FAT3: variants seen among roughly 807,000 people sequenced by gnomAD.
The protein encoded by FAT3 is protocadherin Fat 3.
A neutral mutation model predicts 310.2 loss-of-function variants in FAT3; 95 were observed. The ratio of observed to expected loss-of-function variants is 0.31; its 90% confidence interval spans 0.26 to 0.36. The LOEUF is 0.36. FAT3 is among the 10% of genes least tolerant of loss of function. The pLI is 1.00. For missense variants in FAT3, 5,408 were observed against 5,715.6 expected, an observed-to-expected ratio of 0.95 and a Z score of 1.74; for synonymous variants, 2,314 against 2,192.9, an observed-to-expected ratio of 1.06 and a Z score of -1.54.
chr11:92,507,560 A>G lies in FAT3; in HGVS notation c.3293-17074A>G, dbSNP rs543134485. ...ACATACATATATAGGGTGTATATATATACACACACATATCCTATATCTGTA... is the reference window on the plus strand; with the variant it reads ...ACATACATATATAGGGTGTATATATGTACACACACATATCCTATATCTGTA... On this transcript the variant is annotated intron_variant, in intron 2 of 27. Transcript: ENST00000525166. Among the ~76,000 whole-genome samples the G allele has an allele frequency of 3.3e-5, 5 of 152,020 alleles. No individual in the cohort carries two copies. In the East Asian group the frequency reaches 9.7e-4, roughly 30 times the overall value.
chr11:92,539,782 C>A (rs948484956), intron 3 of FAT3, among the ~76,000 whole-genome samples: 2 of 152,062 alleles, frequency 1.3e-5, no homozygotes, highest in Non-Finnish European at 2.9e-5. Flanking sequence ...ATAACACACA[C>A]AAAAAAGATT....
chr11:92,291,114 CACAT>C (rs1449147973), intron 1 of FAT3, among the ~76,000 whole-genome samples: 29 of 150,688 alleles, frequency 1.9e-4, no homozygotes, highest in East Asian at 1.5e-3. Context: ...CACACACACA[CACAT>C]GCACGCGCGC....
intron 3 of FAT3, among the ~76,000 whole-genome samples, chr11:92,549,728 T>C (rs1417423759): frequency 2.6e-5 from 4 of 152,180 alleles, no homozygotes; most frequent in Admixed American, 6.5e-5. Flanking sequence ...AAGAAATTAA[T>C]GTTTAGAAAT....
At chr11:92,397,366 G>A (rs940560090) in intron 2 of FAT3, among the ~76,000 whole-genome samples, 1 of 152,138 alleles carries the variant, frequency 6.6e-6, no homozygotes, top group Admixed American at 6.6e-5. Context: ...AGAATATTAA[G>A]CAATCTTCTG....
At position 92,621,952 on chromosome 11, in the gene FAT3, A is replaced by G. The variant is rs373124044; in HGVS notation, c.3608-75432A>G. Among the ~76,000 whole-genome samples, 11 of 152,256 alleles carry G rather than the reference A, an allele frequency of 7.2e-5. No individual in the cohort carries two copies. In the South Asian group the frequency reaches 2.1e-3, roughly 29 times the overall value. On this transcript the variant is annotated intron_variant, in intron 3 of 27. Coordinates refer to ENST00000525166, the MANE Select transcript of FAT3 (RefSeq NM_001367949.2). ...TCAGGAATCTACATTTTAACAACCC[A>G]CGTAATTCGAATGCATTGACATGTT...
At chr11:92,393,911 A>C (rs986113319) in intron 2 of FAT3, among the ~76,000 whole-genome samples, 1 of 152,152 alleles carries the variant, frequency 6.6e-6, no homozygotes, top group African/African-American at 2.4e-5. Context: ...GTTATGTTGT[A>C]ATATCTCAAG....
Position 92,698,300 on chromosome 11 carries a change from C to A in FAT3, c.3669+855C>A, listed in dbSNP as rs563656305. Among the ~76,000 whole-genome samples the A allele has an allele frequency of 2.0e-5, 3 of 152,294 alleles. 1 individual carries two copies. In the South Asian group the frequency reaches 6.2e-4, roughly 32 times the overall value. On this transcript the variant is annotated intron_variant, in intron 4 of 27. Coordinates refer to ENST00000525166, the MANE Select transcript of FAT3 (RefSeq NM_001367949.2). ...ACACGTGCACATGCACACAAACACA[C>A]CTTTCAAATCTGATGATAGAATCTC...
rs900753436 is a variant in FAT3, at chr11:92,341,118, G to T, written c.-17-10978G>T. ...TGTCCTGGACCTAGAATGTTAGGCT[G>T]AGGTTGCTTATGCTGAAATAACTAG... is the stretch of plus-strand genomic sequence containing the variant. On this transcript the variant is annotated intron_variant, in intron 1 of 27. Transcript: ENST00000525166. Among the ~76,000 whole-genome samples, 4 of 152,198 alleles carry T rather than the reference G, an allele frequency of 2.6e-5. No individual in the cohort carries two copies. The East Asian group carries it at 7.7e-4, about 29-fold the overall frequency.
At chr11:92,853,869 C>A (rs1948899311) in intron 19 of FAT3, among the ~76,000 whole-genome samples, 1 of 152,202 alleles carries the variant, frequency 6.6e-6, no homozygotes, top group Non-Finnish European at 1.5e-5. Context: ...TAAGTTCTCA[C>A]TCCAGTCTGT....
intron 1 of FAT3, among the ~76,000 whole-genome samples, chr11:92,290,679 G>A (rs796554059): frequency 1.3e-5 from 2 of 151,642 alleles, no homozygotes; most frequent in South Asian, 4.2e-4. Flanking sequence ...CAGGAGAATC[G>A]CTTGAACCTG....
rs1274758076 is a variant in FAT3, at chr11:92,681,948, A to G, written c.3608-15436A>G. On this transcript the variant is annotated intron_variant, in intron 3 of 27. Transcript: ENST00000525166. ...AATGAAAGAATGAGACAGAATAGAA[A>G]TAAAGTGTGAAAATGGGGAAACCAT... 1.4e-4 allele frequency among the ~76,000 whole-genome samples: 22 copies of G among 152,228 alleles called. 1 individual carries two copies. Among genetic ancestry groups the G allele is most frequent in the Admixed American group, 1.4e-3 (22 of 15,288 alleles).
At chr11:92,561,250 CGTGTGTGTGTGTGTGT>C (rs66585879) in intron 3 of FAT3, among the ~76,000 whole-genome samples, 2,876 of 148,326 alleles carry the variant, frequency 0.019, 108 homozygotes, top group African/African-American at 0.067. Flanking sequence ...CCTTCTACTT[CGTGTGTGTGTGTGTGT>C]GTGTGTGTGT....
chr11:92,501,983 G>T (rs1357947110), intron 2 of FAT3, among the ~76,000 whole-genome samples: 4 of 151,916 alleles, frequency 2.6e-5, no homozygotes, highest in African/African-American at 9.7e-5. Flanking sequence ...GCGTGTGTGT[G>T]TATTTCCACC....
At chr11:92,468,365 A>G (rs1253120333) in intron 2 of FAT3, among the ~76,000 whole-genome samples, 1 of 152,218 alleles carries the variant, frequency 6.6e-6, no homozygotes, top group East Asian at 1.9e-4. Flanking sequence ...GGTTGGCCTA[A>G]CATAGTGCTT....
At chr11:92,817,503 G>C in intron 13 of FAT3, among the ~76,000 whole-genome samples, 1 of 152,172 alleles carries the variant, frequency 6.6e-6, no homozygotes, top group Non-Finnish European at 1.5e-5. Context: ...CCTCCATTTT[G>C]TGCTGGCATT....
chr11:92,847,979 A>G (rs1467149188), intron 19 of FAT3, among the ~76,000 whole-genome samples: 1 of 152,010 alleles, frequency 6.6e-6, no homozygotes. Flanking sequence ...ACATGCAATT[A>G]GTATTGGCTG....
intron 2 of FAT3, among the ~76,000 whole-genome samples, chr11:92,414,525 A>G (rs1425290371): frequency 6.6e-6 from 1 of 152,246 alleles, no homozygotes; most frequent in East Asian, 1.9e-4. Context: ...GTAGTCTGTC[A>G]TTTCTTATTT....
chr11:92,431,753 G>T (rs1950786383), intron 2 of FAT3, among the ~76,000 whole-genome samples: 1 of 152,100 alleles, frequency 6.6e-6, no homozygotes, highest in Non-Finnish European at 1.5e-5. Context: ...TATTAAATAG[G>T]GAATCCTTTC....
intron 4 of FAT3, among the ~76,000 whole-genome samples, chr11:92,720,107 T>A (rs1944819408): frequency 6.6e-6 from 1 of 152,158 alleles, no homozygotes; most frequent in Non-Finnish European, 1.5e-5. Flanking sequence ...GATATAGGGA[T>A]CTAGAATTTG....
Sources: gnomAD v4.1 joint callset for allele counts (sites outside exome capture counted in the v4.1 genomes callset) on GRCh38, gnomAD v4.1.1 for gene constraint, MANE v1.5 for transcripts, NCBI Gene and HGNC (gene_info 2026-07-23, HGNC 2026-07-21) for gene names.